The following ACTB variants were observed in gnomAD, a reference collection of about 807,000 sequenced individuals.
ACTB encodes the protein actin beta.
A neutral mutation model predicts 30.5 loss-of-function variants in ACTB; 2 were observed. The observed-to-expected ratio is 0.07, with a 90% CI of 0.03 to 0.21. ACTB has a LOEUF of 0.21. ACTB is among the 10% of genes least tolerant of loss of function. The pLI is 1.00. For synonymous variants in ACTB, 335 were observed against 217.6 expected (o/e 1.54, Z -4.75); for missense variants, 56 against 530.0 (o/e 0.11, Z 8.78).
In ACTB at chr7:5,528,528, C is replaced by A; in HGVS notation, c.555G>T (p.Leu185=). 6.2e-7 allele frequency: 1 copy of A among 1,614,048 alleles called. No homozygotes were observed. The highest frequency in any genetic ancestry group is 1.1e-5 in the South Asian group (1 of 91,086). The change falls in exon 4 of 6, where the codon CTG becomes CTT. Residue 185 remains leucine, a synonymous_variant. Coordinates refer to ENST00000646664, the MANE Select transcript of ACTB (RefSeq NM_001101.5). ...TGAGGATCTTCATGAGGTAGTCAGT[C>A]AGGTCCCGGCCAGCCAGGTCCAGAC... is the stretch of plus-strand genomic sequence containing the variant. ...ILRLDLAGRD[L]TDYLMKILTE...
At chr7:5,530,180 C>T (rs2128241588) in intron 1 of ACTB, among the ~76,000 whole-genome samples, 1 of 152,126 alleles carries the variant, frequency 6.6e-6, no homozygotes, top group Non-Finnish European at 1.5e-5. Flanking sequence ...CGCGCAATGG[C>T]GCCCCAGCCC....
chr7:5,530,128 T>G (rs1784858411), intron 1 of ACTB: 1 of 151,832 alleles, frequency 6.6e-6, no homozygotes, highest in African/African-American at 2.4e-5. Context: ...TAGCGCCAAT[T>G]CCCAGCGCGC....
chr7:5,529,499 G>T (rs745396047), intron 2 of ACTB, 36 bp downstream of exon 2: 1 of 1,611,972 alleles, frequency 6.2e-7, no homozygotes, highest in Admixed American at 1.7e-5. Context: ...CCTCCCGCCC[G>T]CTCCCGGGGC....
chr7:5,529,761 C>T, intron 1 of ACTB, 98 bp from the exon 2 acceptor site: 1 of 1,576,566 alleles, frequency 6.3e-7, no homozygotes, highest in Non-Finnish European at 8.6e-7. Flanking sequence ...CGCCGGCGCG[C>T]GCCCAGATTG....
In ACTB at chr7:5,529,788, G is replaced by C. The variant is rs749159131; in HGVS notation, c.-6-125C>G. ...CCCAGATTGGGGACAAAGGAAGCCG[G>C]GCCGGCCGCGTTATTACCATAAAAG... On this transcript the variant is annotated intron_variant, in intron 1 of 5. Transcript: ENST00000646664. 2.0e-6 allele frequency: 3 copies of C among 1,476,206 alleles called. No individual in the cohort carries two copies. In the African/African-American group the frequency reaches 4.2e-5, roughly 20 times the overall value. The allele number at this position is 1,476,206 out of a possible 1,614,324, so 91.4% of individuals were successfully genotyped here. A position where few individuals can be genotyped will look rare whatever the true frequency, so the allele number is the denominator to read the frequency against.
At chr7:5,528,973 G>C (rs1223077296) in intron 3 of ACTB, 188 bp downstream of exon 3, 8 of 1,569,304 alleles carry the variant, frequency 5.1e-6, no homozygotes, top group Admixed American at 1.9e-5. Context: ...TAGTCAGAGA[G>C]ACAAACACCA....
rs772199214 is a variant in ACTB at position 5,527,871 on chromosome 7, G to T, written c.1005C>A (p.Arg335=). The T allele has an allele frequency of 3.7e-6, 6 of 1,614,076 alleles. No individual in the cohort carries two copies. The highest frequency in any genetic ancestry group is 5.1e-6 in the Non-Finnish European group (6 of 1,179,988). ...MKIKIIAPPE[R]KYSVWIGGSI... ...AGCCGCCGATCCACACGGAGTACTT[G>T]CGCTCAGGAGGAGCAATGATCTGAG... The change falls in exon 6 of 6, where the codon CGC becomes CGA. Residue 335 remains arginine (R), a synonymous_variant. Coordinates refer to ENST00000646664, the MANE Select transcript of ACTB (RefSeq NM_001101.5).
At chr7:5,527,982 C>T (rs549072877) in intron 5 of ACTB, 22 bp downstream of exon 5, 1 of 1,613,062 alleles carries the variant, frequency 6.2e-7, no homozygotes, top group African/African-American at 1.3e-5. Flanking sequence ...CCCAGGTCAG[C>T]TCAGGCAGGA....
chr7:5,530,009 C>G (rs1784854175), intron 1 of ACTB: 1 of 165,516 alleles, frequency 6.0e-6, no homozygotes, highest in Admixed American at 6.5e-5. Context: ...GCCGCGGCGA[C>G]CCCACCCCTT....
intron 3 of ACTB, 104 bp downstream of exon 3, chr7:5,529,057 G>A: frequency 6.2e-7 from 1 of 1,613,132 alleles, no homozygotes; most frequent in Non-Finnish European, 8.5e-7. Flanking sequence ...AGAGAAGAGA[G>A]TCCTACGGAA....
Position 5,529,856 on chromosome 7 carries a change from G to A in ACTB, c.-6-193C>T, listed in dbSNP as rs1203700682. Reference sequence around the variant, plus strand: ...GCGTCCCCGCGGCGCGCGGCAGGAAGCCAGGCCCCAACCCCCTCCCAACCG... The same window carrying A: ...GCGTCCCCGCGGCGCGCGGCAGGAAACCAGGCCCCAACCCCCTCCCAACCG... On this transcript the variant is annotated intron_variant, in intron 1 of 5. Transcript: ENST00000646664. 6.2e-6 allele frequency: 6 copies of A among 960,474 alleles called. No individual in the cohort carries two copies. The Admixed American group carries it at 1.0e-4, about 16-fold the overall frequency. The allele number at this position is 960,474 out of a possible 1,614,324, so 59.5% of individuals were successfully genotyped here. A position where few individuals can be genotyped will look rare whatever the true frequency, so the allele number is the denominator to read the frequency against.
At chr7:5,530,293 G>C (rs1031384315) in intron 1 of ACTB, among the ~76,000 whole-genome samples, 2 of 151,978 alleles carry the variant, frequency 1.3e-5, no homozygotes, top group Admixed American at 1.3e-4. Flanking sequence ...CCCCGAGAGC[G>C]GCACCCCCGG....
At chr7:5,529,800 T>C (rs1416974291) in intron 1 of ACTB, 137 bp from the exon 2 acceptor site, 2 of 1,412,188 alleles carry the variant, frequency 1.4e-6, no homozygotes, top group Non-Finnish European at 2.0e-6. Flanking sequence ...CCGGCCGCGT[T>C]ATTACCATAA....
chr7:5,529,702 C>A, intron 1 of ACTB, 39 bp from the exon 2 acceptor site: 1 of 1,610,414 alleles, frequency 6.2e-7, no homozygotes, highest in Non-Finnish European at 8.5e-7. Flanking sequence ...CCGAGGTCGC[C>A]CCCGCCCTGG....
chr7:5,529,482 G>A, intron 2 of ACTB, 53 bp downstream of exon 2: 4 of 1,612,734 alleles, frequency 2.5e-6, no homozygotes, highest in African/African-American at 1.3e-5. Flanking sequence ...CAGAGAAAGC[G>A]CCCTTGCCTC....
intron 3 of ACTB, 178 bp downstream of exon 3, chr7:5,528,983 A>G: frequency 6.3e-7 from 1 of 1,583,334 alleles, no homozygotes; most frequent in Non-Finnish European, 8.6e-7. Context: ...GACAAACACC[A>G]GAAAAAGAGC....
Position 5,528,321 on chromosome 7 carries a change from C to T in ACTB, c.762G>A (p.Arg254=). The change falls in exon 4 of 6, where the codon CGG becomes CGA. Residue 254 remains arginine (R), a synonymous_variant. Coordinates refer to ENST00000646664, the MANE Select transcript of ACTB (RefSeq NM_001101.5). ...GGAAGAGTGCCTCAGGGCAGCGGAA[C>T]CGCTCATTGCCAATGGTGATGACCT... ...DGQVITIGNE[R]FRCPEALFQP... 6.2e-7 allele frequency: 1 copy of T among 1,614,210 alleles called. No individual in the cohort carries two copies. The highest frequency in any genetic ancestry group is 8.5e-7 in the Non-Finnish European group (1 of 1,180,048).
chr7:5,527,888 T>C lies in ACTB; in HGVS notation c.988A>G (p.Ile330Val). 6.2e-7 allele frequency: 1 copy of C among 1,613,882 alleles called. No homozygotes were observed. The highest frequency in any genetic ancestry group is 8.5e-7 in the Non-Finnish European group (1 of 1,179,920). ...GAGTACTTGCGCTCAGGAGGAGCAA[T>C]GATCTGAGGAGGGAAGGGGACAGGC... ...LAPSTMKIKI[I>V]APPERKYSVW... Residue 330 changes from isoleucine (I) to valine (V), a missense_variant, in exon 6 of 6, where the codon ATT (isoleucine) becomes GTT (valine). By Grantham distance (29) the Ile-to-Val change is conservative. This residue lies in a region of ACTB where 10 missense variants were observed against 17.6 expected (regional missense o/e 0.57). Coordinates refer to ENST00000646664, the MANE Select transcript of ACTB (RefSeq NM_001101.5).
At chr7:5,529,120 A>G in intron 3 of ACTB, 41 bp downstream of exon 3, 1 of 1,613,614 alleles carries the variant, frequency 6.2e-7, no homozygotes, top group Non-Finnish European at 8.5e-7. Context: ...GAGGCCAGGA[A>G]GGAGGGAGGC....
Sources: allele counts gnomAD v4.1 joint callset (sites outside exome capture counted in the v4.1 genomes callset), GRCh38; gene constraint gnomAD v4.1.1; regional missense constraint gnomAD v4.1.1; transcripts MANE v1.5; gene names NCBI Gene and HGNC (gene_info 2026-07-23, HGNC 2026-07-21).